Variants in BACE2 observed in about 807,000 individuals in gnomAD.
BACE2 encodes the protein beta-secretase 2, also known as 56 kDa aspartic-like protease.
BACE2 carries 17 observed loss-of-function variants against 46.2 expected under a neutral mutation model. That is an observed-to-expected ratio of 0.37 (90% CI 0.25 to 0.55). BACE2 has a LOEUF of 0.55. BACE2 is among the 20% of genes least tolerant of loss of function. The pLI is 0.82. For missense variants in BACE2, 595 were observed against 698.1 expected (o/e 0.85, Z 1.66); for synonymous variants, 277 against 295.9 (o/e 0.94, Z 0.66).
At chr21:41,269,831 G>GT (rs1167303297) in intron 8 of BACE2, among the ~76,000 whole-genome samples, 1 of 152,148 alleles carries the variant, frequency 6.6e-6, no homozygotes, top group Non-Finnish European at 1.5e-5. Context: ...CATATATTTT[G>GT]TTTTTTATTT....
At chr21:41,240,493 C>T (rs988410141) in intron 3 of BACE2, among the ~76,000 whole-genome samples, 1 of 152,228 alleles carries the variant, frequency 6.6e-6, no homozygotes, top group African/African-American at 2.4e-5. Flanking sequence ...ATTTAAGCCC[C>T]AGAGCGGCTC....
chr21:41,205,126 C>T (rs1333412534), intron 1 of BACE2, among the ~76,000 whole-genome samples: 4 of 152,092 alleles, frequency 2.6e-5, no homozygotes, highest in African/African-American at 7.2e-5. Flanking sequence ...TACTGTAAAA[C>T]GAAGATGAAA....
At chr21:41,273,631 T>C (rs973693465) in intron 8 of BACE2, among the ~76,000 whole-genome samples, 7 of 152,244 alleles carry the variant, frequency 4.6e-5, no homozygotes, top group African/African-American at 1.4e-4. Context: ...GATTTCATAT[T>C]GTTTAAACAA....
intron 1 of BACE2, among the ~76,000 whole-genome samples, chr21:41,194,839 A>G (rs1012599458): frequency 2.6e-5 from 4 of 152,252 alleles, no homozygotes; most frequent in African/African-American, 7.2e-5. Context: ...GCAATTTGCC[A>G]TTCTTTTCCT....
At chr21:41,246,332 T>C (rs1987471604) in intron 6 of BACE2, 2 of 202,936 alleles carry the variant, frequency 9.9e-6, no homozygotes, top group East Asian at 2.2e-4. Context: ...TAGCAAATAG[T>C]ACCTTCATGA....
chr21:41,192,522 G>A (rs1204852489), intron 1 of BACE2, among the ~76,000 whole-genome samples: 1 of 152,180 alleles, frequency 6.6e-6, no homozygotes, highest in Non-Finnish European at 1.5e-5. Context: ...CCAGTAACAG[G>A]CCAAGAGCTC....
intron 1 of BACE2, among the ~76,000 whole-genome samples, chr21:41,219,884 A>G (rs981528347): frequency 4.6e-5 from 7 of 152,140 alleles, no homozygotes; most frequent in Non-Finnish European, 8.8e-5. Flanking sequence ...TCTGCGACAG[A>G]CACCAGCTGC....
chr21:41,217,069 T>C (rs1214781212), intron 1 of BACE2, among the ~76,000 whole-genome samples: 4 of 152,168 alleles, frequency 2.6e-5, no homozygotes, highest in African/African-American at 9.7e-5. Context: ...GTAGCTGGGA[T>C]TACAGGTGTG....
At chr21:41,198,078 G>T (rs1985802483) in intron 1 of BACE2, among the ~76,000 whole-genome samples, 1 of 152,110 alleles carries the variant, frequency 6.6e-6, no homozygotes, top group Non-Finnish European at 1.5e-5. Context: ...TGCAGCCTCT[G>T]CCTCCTGGGT....
Position 41,281,357 on chromosome 21 carries a change from C to G in BACE2, c.*5733C>G, listed in dbSNP as rs1216193153. ...CGTGGTATCAATAAAAGGCTAGAAA[C>G]CTTGGGTGTCCTTGGCAACCTAGCC... is the stretch of plus-strand genomic sequence containing the variant. On this transcript the variant is annotated 3_prime_UTR_variant, in exon 9 of 9. Transcript: ENST00000330333. 1 of 152,152 alleles carries G rather than the reference C, an allele frequency of 6.6e-6. No individual in the cohort carries two copies. The highest frequency in any genetic ancestry group is 1.5e-5 in the Non-Finnish European group (1 of 68,036). 9.4% of individuals were successfully genotyped at this position (152,152 alleles called of 1,614,324 possible).
At chr21:41,219,666 A>G (rs933825430) in intron 1 of BACE2, among the ~76,000 whole-genome samples, 2 of 152,200 alleles carry the variant, frequency 1.3e-5, no homozygotes, top group East Asian at 3.8e-4. Context: ...TTGACCTGTT[A>G]CTGACTATTT....
At chr21:41,243,269 C>A in intron 4 of BACE2, 107 bp from the exon 5 acceptor site, 4 of 894,190 alleles carry the variant, frequency 4.5e-6, no homozygotes, top group Non-Finnish European at 1.6e-6. Flanking sequence ...GAAGTAGAAG[C>A]CCTGATTGCA....
intron 7 of BACE2, among the ~76,000 whole-genome samples, chr21:41,253,489 T>C (rs1207422585): frequency 6.6e-6 from 1 of 151,726 alleles, no homozygotes; most frequent in African/African-American, 2.4e-5. Context: ...ACATTTTGGC[T>C]AGTAGAGCGG....
rs73902994 is a variant in BACE2 at position 41,272,662 on chromosome 21, T to C, written c.1304-2709T>C. 2.9e-3 allele frequency among the ~76,000 whole-genome samples: 449 copies of C among 152,328 alleles called. 3 individuals are homozygous for C. Among genetic ancestry groups the C allele is most frequent in the African/African-American group, 9.9e-3 (410 of 41,578 alleles). ...TTAGATCTTTAATGTCTTCCGTGTCTCTATTTAACATGTTTAACATTTTCT... is the reference window on the plus strand; with the variant it reads ...TTAGATCTTTAATGTCTTCCGTGTCCCTATTTAACATGTTTAACATTTTCT... On this transcript the variant is annotated intron_variant, in intron 8 of 8. Coordinates refer to ENST00000330333, the MANE Select transcript of BACE2 (RefSeq NM_012105.5).
intron 1 of BACE2, among the ~76,000 whole-genome samples, chr21:41,209,733 A>G (rs1176149648): frequency 6.6e-6 from 1 of 152,186 alleles, no homozygotes; most frequent in African/African-American, 2.4e-5. Flanking sequence ...AGCTGGGGTT[A>G]GAATCTCGGT....
chr21:41,226,728 T>A (rs1269995934), intron 2 of BACE2, among the ~76,000 whole-genome samples: 1 of 152,200 alleles, frequency 6.6e-6, no homozygotes, highest in Admixed American at 6.5e-5. Flanking sequence ...CTTGGGAGTC[T>A]GTGAGGCCAC....
Position 41,205,205 on chromosome 21 carries a change from AT to A in BACE2, c.313-21058del, listed in dbSNP as rs536202736. ...ATTCCACATTCAGGTGAGTACTAGG[AT>A]TTGTAGATTATCAGTCATTATCATT... On this transcript the variant is annotated intron_variant, in intron 1 of 8. Transcript: ENST00000330333. 1.2e-4 allele frequency among the ~76,000 whole-genome samples: 18 copies of A among 152,354 alleles called. No homozygotes were observed. The South Asian group carries it at 3.7e-3, about 32-fold the overall frequency.
In BACE2 at chr21:41,243,369, G is replaced by A; in HGVS notation, c.748-7G>A. The A allele has an allele frequency of 6.3e-7, 1 of 1,589,198 alleles. No homozygotes were observed. Among genetic ancestry groups the A allele is most frequent in the East Asian group, 2.3e-5 (1 of 44,212 alleles). On this transcript the variant is annotated splice_region_variant and splice_polypyrimidine_tract_variant and intron_variant, in intron 4 of 8. Transcript: ENST00000330333. Reference sequence around the variant, plus strand: ...TCTCTTATACCTGTAAATATTTCCTGTCCCAGGTCTTGGGTGGAATTGAAC... The same window carrying A: ...TCTCTTATACCTGTAAATATTTCCTATCCCAGGTCTTGGGTGGAATTGAAC...
intron 1 of BACE2, among the ~76,000 whole-genome samples, chr21:41,189,969 A>G (rs28522938): frequency 0.055 from 8,438 of 152,238 alleles, 734 homozygotes; most frequent in African/African-American, 0.19. Flanking sequence ...CGGGAGAAAG[A>G]TGTAGGCTGG....
Sources: gnomAD v4.1 joint callset for allele counts (sites outside exome capture counted in the v4.1 genomes callset) on GRCh38, gnomAD v4.1.1 for gene constraint, MANE v1.5 for transcripts, NCBI Gene and HGNC (gene_info 2026-07-23, HGNC 2026-07-21) for gene names.